Variants in VPS13A observed in about 807,000 individuals in gnomAD.
VPS13A encodes vacuolar protein sorting 13 homolog A, also known as intermembrane lipid transfer protein VPS13A.
Under a neutral mutation model 390.9 loss-of-function variants are expected in VPS13A, and 264 were observed. The ratio of observed to expected loss-of-function variants is 0.68; its 90% CI spans 0.61 to 0.75. The LOEUF is 0.75. VPS13A is among the 30% of genes least tolerant of loss of function. VPS13A has a pLI of 0.00. For synonymous variants in VPS13A, 1,231 were observed against 1,227.1 expected (o/e 1.00, Z -0.07); for missense variants, 3,409 against 3,733.9 (o/e 0.91, Z 2.27).
intron 70 of VPS13A, among the ~76,000 whole-genome samples, chr9:77,406,191 T>C (rs1041332058): frequency 4.6e-5 from 7 of 152,094 alleles, no homozygotes; most frequent in Admixed American, 2.0e-4. Flanking sequence ...TTCTGTGCTA[T>C]TGCACTGACA....
chr9:77,192,262 A>G (rs1824731667), intron 1 of VPS13A, among the ~76,000 whole-genome samples: 1 of 152,192 alleles, frequency 6.6e-6, no homozygotes, highest in Admixed American at 6.5e-5. Flanking sequence ...TCTCATAAAG[A>G]CAACATACAA....
intron 23 of VPS13A, among the ~76,000 whole-genome samples, chr9:77,269,374 TC>T (rs1188465685): frequency 6.6e-6 from 1 of 152,232 alleles, no homozygotes; most frequent in Non-Finnish European, 1.5e-5. Flanking sequence ...TTCAGACTCT[TC>T]CAGTGATTTC....
intron 45 of VPS13A, among the ~76,000 whole-genome samples, chr9:77,331,208 A>G (rs898952394): frequency 6.6e-6 from 1 of 152,130 alleles, no homozygotes; most frequent in African/African-American, 2.4e-5. Flanking sequence ...ATGAATACAC[A>G]TGTGTAAACA....
In VPS13A at chr9:77,283,543, T is replaced by A. The variant is rs779504734; in HGVS notation, c.3236-4T>A. ...AAAAGGCAGTCATTCTTTTGTTCCC[T>A]TAGGGCTTGATTCTGAGATGATTAT... On this transcript the variant is annotated splice_region_variant and splice_polypyrimidine_tract_variant and intron_variant, in intron 30 of 71. Coordinates refer to ENST00000360280, the MANE Select transcript of VPS13A (RefSeq NM_033305.3). 4 of 1,613,268 alleles carry A rather than the reference T, an allele frequency of 2.5e-6. No individual in the cohort carries two copies. The East Asian group carries it at 8.9e-5, about 36-fold the overall frequency.
At chr9:77,377,368 C>T (rs1011414919) in intron 67 of VPS13A, among the ~76,000 whole-genome samples, 20 of 151,576 alleles carry the variant, frequency 1.3e-4, no homozygotes, top group South Asian at 1.0e-3. Flanking sequence ...TACAGGCGCC[C>T]GCCACCGCGC....
rs371320559 is a variant in VPS13A at position 77,315,487 on chromosome 9, A to G, written c.4630+17A>G. On this transcript the variant is annotated intron_variant, in intron 38 of 71. Coordinates refer to ENST00000360280, the MANE Select transcript of VPS13A (RefSeq NM_033305.3). ...AGGAAGAAGGTTAGTTATTGGCTAAAATATTTAATATTTGTTTTATTGAAG... is the reference window on the plus strand; with the variant it reads ...AGGAAGAAGGTTAGTTATTGGCTAAGATATTTAATATTTGTTTTATTGAAG... The G allele has an allele frequency of 1.4e-3, 2,226 of 1,608,714 alleles. 6 individuals carry two copies. Among genetic ancestry groups the G allele is most frequent in the Non-Finnish European group, 1.7e-3 (2,001 of 1,175,572 alleles).
intron 31 of VPS13A, among the ~76,000 whole-genome samples, chr9:77,287,926 T>C (rs548890435): frequency 6.6e-6 from 1 of 152,348 alleles, no homozygotes; most frequent in Admixed American, 6.5e-5. Flanking sequence ...TTACCTCTTT[T>C]AGTTATAATT....
intron 10 of VPS13A, among the ~76,000 whole-genome samples, chr9:77,218,287 G>A (rs531245413): frequency 6.6e-6 from 1 of 151,794 alleles, no homozygotes; most frequent in East Asian, 1.9e-4. Context: ...CTAATTTTTT[G>A]TACTTTAAAT....
chr9:77,416,070 A>C lies in VPS13A; in HGVS notation c.*64A>C. 6.4e-7 allele frequency: 1 copy of C among 1,573,644 alleles called. No homozygotes were observed. The highest frequency in any genetic ancestry group is 8.7e-7 in the Non-Finnish European group (1 of 1,143,860). The stretch of plus-strand genomic sequence containing the variant: ...TACAGCTCCTAGACTACCTTCCAAA[A>C]CCTGTTTGGGAAGCATATTACAGAA... On this transcript the variant is annotated 3_prime_UTR_variant, in exon 72 of 72. Coordinates refer to ENST00000360280, the MANE Select transcript of VPS13A (RefSeq NM_033305.3).
Position 77,340,306 on chromosome 9 carries a change from A to G in VPS13A, c.6879+24A>G, listed in dbSNP as rs1830744982. 3.1e-6 allele frequency: 5 copies of G among 1,607,860 alleles called. No homozygotes were observed. The East Asian group carries it at 8.9e-5, about 29-fold the overall frequency. Reference sequence around the variant, plus strand: ...AAGTGAGTTCATTCTATGCTTATCAAGAAACTTTTATTTTAAATGTTTCTA... The same window carrying G: ...AAGTGAGTTCATTCTATGCTTATCAGGAAACTTTTATTTTAAATGTTTCTA... On this transcript the variant is annotated intron_variant, in intron 49 of 71. Transcript: ENST00000360280.
At chr9:77,215,175 A>G (rs1211557555) in intron 10 of VPS13A, among the ~76,000 whole-genome samples, 4 of 152,204 alleles carry the variant, frequency 2.6e-5, no homozygotes, top group Non-Finnish European at 4.4e-5. Context: ...TGTTTTTTCT[A>G]TGATAAGGGC....
Position 77,369,299 on chromosome 9 carries a change from G to A in VPS13A, c.8554G>A (p.Ala2852Thr), listed in dbSNP as rs1446382327. The change falls in exon 63 of 72, where the codon GCC becomes ACC. Residue 2852 changes from alanine to threonine, a missense_variant and splice_region_variant. By Grantham distance (58) the Ala-to-Thr change is moderately conservative. This residue lies in a region of VPS13A where 30 missense variants were observed against 63.4 expected (regional missense o/e 0.47). Coordinates refer to ENST00000360280, the MANE Select transcript of VPS13A (RefSeq NM_033305.3). ...ATTAATGTTCATATTTTATTTTTAG[G>A]CCATTAAGCAGATGTATGTACTCAT... ...SEVIRHYSKQ[A>T]IKQMYVLILG... is the part of the protein sequence containing the mutation. 1.3e-6 allele frequency: 2 copies of A among 1,594,710 alleles called. No homozygotes were observed. Among genetic ancestry groups the A allele is most frequent in the South Asian group, 1.1e-5 (1 of 90,580 alleles).
chr9:77,232,961 G>GT (rs1211184645), intron 17 of VPS13A, among the ~76,000 whole-genome samples: 1 of 152,114 alleles, frequency 6.6e-6, no homozygotes, highest in Non-Finnish European at 1.5e-5. Flanking sequence ...CTATAAGTAA[G>GT]TTTAAAAGGT....
At chr9:77,412,097 A>G (rs1380568606) in intron 71 of VPS13A, among the ~76,000 whole-genome samples, 1 of 152,210 alleles carries the variant, frequency 6.6e-6, no homozygotes, top group Non-Finnish European at 1.5e-5. Context: ...TTGAGGCAAT[A>G]ATTAATAGCT....
rs763309484 is a variant in VPS13A, at chr9:77,323,089, T to A, written c.5853T>A (p.Ala1951=). 1 of 1,612,788 alleles carries A rather than the reference T, an allele frequency of 6.2e-7. No homozygotes were observed. Among genetic ancestry groups the A allele is most frequent in the Admixed American group, 1.7e-5 (1 of 59,928 alleles). Residue 1951 remains alanine, a synonymous_variant, in exon 45 of 72, where the codon GCT becomes GCA. Transcript: ENST00000360280. ...TAGCACCTGTTAACCATTCTACTGC[T>A]GATAAGATTCCTTTAACAAAAGTGG... The part of the protein sequence containing the change: ...ILLTPVNHST[A]DKIPLTKVGR...
At chr9:77,265,055 G>A (rs1433033951) in intron 23 of VPS13A, among the ~76,000 whole-genome samples, 2 of 152,216 alleles carry the variant, frequency 1.3e-5, no homozygotes, top group African/African-American at 2.4e-5. Flanking sequence ...TGAGGTAATC[G>A]TGTGGTTTTT....
intron 35 of VPS13A, among the ~76,000 whole-genome samples, chr9:77,310,761 A>C (rs983286036): frequency 1.3e-5 from 2 of 152,198 alleles, no homozygotes; most frequent in Non-Finnish European, 2.9e-5. Context: ...AGGGGAAACA[A>C]ATAGTAAAGC....
intron 45 of VPS13A, among the ~76,000 whole-genome samples, chr9:77,330,319 A>G (rs1041921429): frequency 3.3e-5 from 5 of 152,160 alleles, no homozygotes; most frequent in African/African-American, 7.2e-5. Context: ...GCGCCCACCC[A>G]CTTTTATACA....
intron 19 of VPS13A, among the ~76,000 whole-genome samples, chr9:77,246,867 A>G (rs1824847452): frequency 6.6e-6 from 1 of 152,162 alleles, no homozygotes; most frequent in Admixed American, 6.5e-5. Flanking sequence ...ATTAAGATCA[A>G]GTGTTATTGT....
Sources: gnomAD v4.1 joint callset for allele counts (sites outside exome capture counted in the v4.1 genomes callset) on GRCh38, gnomAD v4.1.1 for gene constraint, gnomAD v4.1.1 regional missense constraint, MANE v1.5 for transcripts, NCBI Gene and HGNC (gene_info 2026-07-23, HGNC 2026-07-21) for gene names.